LMBRD1: variants seen among roughly 807,000 people sequenced by gnomAD.
LMBRD1 encodes the protein lysosomal cobalamin transport escort protein LMBD1.
A neutral mutation model predicts 74.8 loss-of-function variants in LMBRD1; 64 were observed. The ratio of observed to expected loss-of-function variants is 0.86; its 90% CI spans 0.70 to 1.05. The LOEUF (loss-of-function observed/expected upper bound fraction) is 1.05, where lower values mean the gene tolerates loss of function less well. Ranked by LOEUF, LMBRD1 falls within the 50% of genes least tolerant of loss-of-function variation. LMBRD1 has a pLI of 0.00. For missense variants in LMBRD1, 652 were observed against 645.9 expected, an observed-to-expected ratio of 1.01 and a Z score of -0.10; for synonymous variants, 204 against 216.3, an observed-to-expected ratio of 0.94 and a Z score of 0.50.
intron 4 of LMBRD1, 108 bp from the exon 5 acceptor site, chr6:69,749,516 A>G (rs1477872520): frequency 3.6e-6 from 3 of 842,544 alleles, no homozygotes; most frequent in Non-Finnish European, 5.9e-6. Context: ...GCTTACACTC[A>G]ATATTGAAAC....
chr6:69,685,224 G>A (rs556381858), intron 14 of LMBRD1, among the ~76,000 whole-genome samples: 1 of 152,222 alleles, frequency 6.6e-6, no homozygotes, highest in South Asian at 2.1e-4. Flanking sequence ...AATGGGAGGG[G>A]TAGGGCGAAG....
chr6:69,779,928 T>C (rs952348094), intron 3 of LMBRD1, among the ~76,000 whole-genome samples: 3 of 152,170 alleles, frequency 2.0e-5, no homozygotes, highest in Non-Finnish European at 4.4e-5. Flanking sequence ...CAGAAAAGTT[T>C]AGGCAACCTT....
intron 7 of LMBRD1, among the ~76,000 whole-genome samples, chr6:69,735,215 C>T (rs1444977335): frequency 2.6e-5 from 4 of 152,200 alleles, no homozygotes; most frequent in Non-Finnish European, 5.9e-5. Flanking sequence ...CAACACTGGA[C>T]AGGATGCCAT....
At chr6:69,794,783 G>A (rs973268761) in intron 1 of LMBRD1, among the ~76,000 whole-genome samples, 7 of 152,216 alleles carry the variant, frequency 4.6e-5, no homozygotes, top group East Asian at 1.9e-4. Flanking sequence ...GTAATGAAAC[G>A]TATCCATATT....
At position 69,779,912 on chromosome 6, in the gene LMBRD1, C is replaced by A. The variant is rs568171630; in HGVS notation, c.307+582G>T. 6.6e-5 allele frequency among the ~76,000 whole-genome samples: 10 copies of A among 152,236 alleles called. No individual in the cohort carries two copies. The East Asian group carries it at 1.5e-3, about 24-fold the overall frequency. On this transcript the variant is annotated intron_variant, in intron 3 of 15. Coordinates refer to ENST00000649934, the MANE Select transcript of LMBRD1 (RefSeq NM_018368.4). ...CTTAGGAAGTTTTCATCTTTTAAAG[C>A]ATCTCCAGAAAAGTTTAGGCAACCT...
chr6:69,726,132 C>T (rs1001620664), intron 7 of LMBRD1, among the ~76,000 whole-genome samples: 2 of 152,142 alleles, frequency 1.3e-5, no homozygotes, highest in African/African-American at 2.4e-5. Context: ...TGAAAAGGTG[C>T]TCAACATCAC....
chr6:69,727,889 T>C (rs1015297446), intron 7 of LMBRD1, among the ~76,000 whole-genome samples: 5 of 152,158 alleles, frequency 3.3e-5, no homozygotes, highest in Non-Finnish European at 5.9e-5. Flanking sequence ...TCCATATTCT[T>C]TAAACATTAT....
At chr6:69,676,312 A>T (rs776012945) in intron 15 of LMBRD1, 41 bp from the exon 16 acceptor site, 2 of 1,598,830 alleles carry the variant, frequency 1.3e-6, no homozygotes, top group African/African-American at 1.3e-5. Context: ...TTCAAATTTA[A>T]AATCATCTGG....
At chr6:69,680,579 T>A (rs1037992939) in intron 14 of LMBRD1, among the ~76,000 whole-genome samples, 5 of 152,134 alleles carry the variant, frequency 3.3e-5, no homozygotes, top group African/African-American at 1.2e-4. Context: ...TTATTTTACA[T>A]GTTTACCTTT....
chr6:69,750,790 C>A (rs1449782601), intron 4 of LMBRD1, among the ~76,000 whole-genome samples: 3 of 152,038 alleles, frequency 2.0e-5, no homozygotes, highest in Non-Finnish European at 4.4e-5. Context: ...AAAATAGTAT[C>A]TGCAAATAAC....
chr6:69,788,062 G>T (rs1237460582), intron 2 of LMBRD1, among the ~76,000 whole-genome samples: 2 of 152,194 alleles, frequency 1.3e-5, no homozygotes, highest in South Asian at 2.1e-4. Context: ...ACTAATTTAA[G>T]CATGTGCTCA....
At position 69,674,456 on chromosome 6, in the gene LMBRD1, A is replaced by C. The variant is rs544988355; in HGVS notation, c.*1702T>G. ...TCAGTTATACAGAAGAGATATGGAG[A>C]TCTACCTGATTCTTTGTTTAGGCAA... On this transcript the variant is annotated 3_prime_UTR_variant, in exon 16 of 16. Coordinates refer to ENST00000649934, the MANE Select transcript of LMBRD1 (RefSeq NM_018368.4). Among the ~76,000 whole-genome samples, 1 of 152,298 alleles carries C rather than the reference A, an allele frequency of 6.6e-6. No homozygotes were observed. The highest frequency in any genetic ancestry group is 2.4e-5 in the African/African-American group (1 of 41,556).
At chr6:69,735,460 A>G (rs1766956203) in intron 7 of LMBRD1, among the ~76,000 whole-genome samples, 1 of 149,430 alleles carries the variant, frequency 6.7e-6, no homozygotes, top group Non-Finnish European at 1.5e-5. Flanking sequence ...AAAAAAAAAG[A>G]TGTTATTTGA....
intron 6 of LMBRD1, among the ~76,000 whole-genome samples, chr6:69,740,094 A>T (rs1439973211): frequency 6.7e-6 from 1 of 150,134 alleles, no homozygotes; most frequent in Non-Finnish European, 1.5e-5. Context: ...TGACAGAGCA[A>T]GACTCCGTCT....
At chr6:69,691,892 A>G (rs1562085703) in intron 14 of LMBRD1, among the ~76,000 whole-genome samples, 1 of 151,442 alleles carries the variant, frequency 6.6e-6, no homozygotes, top group African/African-American at 2.4e-5. Context: ...AAAAAAAAAA[A>G]AAAAGAAAGA....
intron 3 of LMBRD1, among the ~76,000 whole-genome samples, chr6:69,779,185 CA>C (rs11397050): frequency 6.4e-4 from 64 of 100,120 alleles, no homozygotes; most frequent in Middle Eastern, 4.7e-3. Flanking sequence ...GACTCAGTCT[CA>C]AAAAAAAAAA....
chr6:69,742,015 C>A (rs1050096007), intron 5 of LMBRD1, 138 bp from the exon 6 acceptor site: 12 of 578,124 alleles, frequency 2.1e-5, no homozygotes, highest in Non-Finnish European at 3.3e-5. Flanking sequence ...TGAAAAGTTT[C>A]TTATCTATGC....
chr6:69,790,233 G>A (rs992796519), intron 2 of LMBRD1, 63 bp downstream of exon 2: 37 of 1,070,134 alleles, frequency 3.5e-5, no homozygotes, highest in South Asian at 1.3e-4. Flanking sequence ...AATATGTATC[G>A]GACTGCCAAG....
At chr6:69,714,078 CA>C (rs534737282) in intron 8 of LMBRD1, among the ~76,000 whole-genome samples, 4 of 152,002 alleles carry the variant, frequency 2.6e-5, no homozygotes, top group Non-Finnish European at 5.9e-5. Flanking sequence ...AAACATTCCA[CA>C]AAAAGTATGT....
Sources: gnomAD v4.1 joint callset for allele counts (sites outside exome capture counted in the v4.1 genomes callset) on GRCh38, gnomAD v4.1.1 for gene constraint, MANE v1.5 for transcripts, NCBI Gene and HGNC (gene_info 2026-07-23, HGNC 2026-07-21) for gene names.